Variants in TMPRSS9 observed in about 807,000 individuals in gnomAD.
TMPRSS9 encodes the protein transmembrane serine protease 9.
Under a neutral mutation model 111.4 loss-of-function variants are expected in TMPRSS9, and 113 were observed. The observed-to-expected ratio is 1.01, with a 90% confidence interval of 0.87 to 1.19. The LOEUF is 1.19. Among genes scored for constraint, TMPRSS9 ranks in the 50% most tolerant of loss-of-function variants. TMPRSS9 has a pLI of 0.00. For missense variants in TMPRSS9, 1,803 were observed against 1,513.1 expected, an observed-to-expected ratio of 1.19 and a Z score of -3.18; for synonymous variants, 805 against 659.1, an observed-to-expected ratio of 1.22 and a Z score of -3.39.
At chr19:2,424,575 G>A (rs1971557924) in intron 15 of TMPRSS9, among the ~76,000 whole-genome samples, 1 of 150,122 alleles carries the variant, frequency 6.7e-6, no homozygotes, top group Non-Finnish European at 1.5e-5. Flanking sequence ...CGGGAACATT[G>A]GGGTCACTTC....
At chr19:2,417,418 A>G (rs866925360) in intron 12 of TMPRSS9, among the ~76,000 whole-genome samples, 6 of 151,012 alleles carry the variant, frequency 4.0e-5, no homozygotes, top group Middle Eastern at 3.4e-3. Context: ...GTGAGCTGAG[A>G]TTGTGCCACT....
rs2145281649 is a variant in TMPRSS9, at chr19:2,389,930, A to G, written c.142+3A>G. 6.2e-7 allele frequency: 1 copy of G among 1,605,248 alleles called. No individual in the cohort carries two copies. Among genetic ancestry groups the G allele is most frequent in the African/African-American group, 1.3e-5 (1 of 74,880 alleles). Reference sequence around the variant, plus strand: ...CCTCACCCTGGGAGTCCTTTTGGGTAAGTGGCTATGGGATTGGCTGGGTTC... The same window carrying G: ...CCTCACCCTGGGAGTCCTTTTGGGTGAGTGGCTATGGGATTGGCTGGGTTC... On this transcript the variant is annotated splice_donor_region_variant and intron_variant, in intron 1 of 17. Coordinates refer to ENST00000648592, the Ensembl canonical transcript of TMPRSS9.
At chr19:2,377,484 TC>T (rs1286521994) in intron 1 of TMPRSS9, among the ~76,000 whole-genome samples, 10 of 14,932 alleles carry the variant, frequency 6.7e-4, no homozygotes, top group African/African-American at 1.7e-3. Context: ...CTCTCCTCTC[TC>T]CCCCCCACCC....
In TMPRSS9 at chr19:2,396,616, C is replaced by T. The variant is rs142862960; in HGVS notation, c.220C>T (p.Arg74Trp). 7.2e-4 allele frequency: 1,149 copies of T among 1,602,126 alleles called. 5 individuals are homozygous for T. The African/African-American group carries it at 7.8e-3, about 11-fold the overall frequency. The change falls in exon 2 of 18, where the codon CGG (arginine) becomes TGG (tryptophan). Residue 74 changes from arginine to tryptophan, a missense_variant. Transcript: ENST00000648592. ...AATCCGGTGGACCAGCAGTTTGCGG[C>T]GGGAGACCTCGGACTATCACCGCAC...
At chr19:2,400,698 G>A (rs1278381808) in intron 4 of TMPRSS9, among the ~76,000 whole-genome samples, 1 of 152,104 alleles carries the variant, frequency 6.6e-6, no homozygotes, top group Non-Finnish European at 1.5e-5. Context: ...TTGTTGCCAG[G>A]TGTGGTGGCT....
rs7254110 is a variant in TMPRSS9 at position 2,405,561 on chromosome 19, A to G, written c.842+16A>G. 0.24 allele frequency: 366,590 copies of G among 1,519,898 alleles called. 47,463 individuals are homozygous for G. Among genetic ancestry groups the G allele is most frequent in the African/African-American group, 0.48 (33,939 of 70,114 alleles). The allele number at this position is 1,519,898 out of a possible 1,614,324, so 94.2% of individuals were successfully genotyped here. A position where few individuals can be genotyped will look rare whatever the true frequency, so the allele number is the denominator to read the frequency against. On this transcript the variant is annotated intron_variant, in intron 7 of 17. Transcript: ENST00000648592. ...GCTTCAATGAGTAAGCCCCCATCCC[A>G]AAGCACCAAACCCGAACCCTCTGTA... is the stretch of plus-strand genomic sequence containing the variant.
At chr19:2,425,546 G>A (rs1025422184) in intron 17 of TMPRSS9, 53 bp downstream of exon 18, 231 of 1,467,972 alleles carry the variant, frequency 1.6e-4, no homozygotes, top group Non-Finnish European at 2.0e-4. Flanking sequence ...GCCGGGGAGG[G>A]CGGGTTCCCG....
intron 1 of TMPRSS9, among the ~76,000 whole-genome samples, chr19:2,383,794 AC>A (rs940138357): frequency 2.7e-5 from 4 of 149,536 alleles, no homozygotes; most frequent in Admixed American, 1.4e-4. Flanking sequence ...ACAGAGTGAG[AC>A]CCCCCCATCT....
intron 10 of TMPRSS9, chr19:2,414,243 C>CTTTT (rs781736770): frequency 8.0e-6 from 3 of 376,206 alleles, no homozygotes; most frequent in Admixed American, 8.4e-5. Flanking sequence ...CAATGGGATA[C>CTTTT]TTTTTTTTTT....
intron 1 of TMPRSS9, among the ~76,000 whole-genome samples, chr19:2,377,936 T>A (rs1156571180): frequency 6.6e-6 from 1 of 151,130 alleles, no homozygotes; most frequent in African/African-American, 2.4e-5. Context: ...GCTGGCACAG[T>A]CATAGCTCAC....
chr19:2,423,828 G>C (rs932900413), intron 14 of TMPRSS9, among the ~76,000 whole-genome samples: 1 of 152,058 alleles, frequency 6.6e-6, no homozygotes, highest in South Asian at 2.1e-4. Context: ...TGCCATGAGA[G>C]GGGCCTCCGG....
At chr19:2,425,181 G>A (rs777970014) in exon 16 of TMPRSS9, 4 of 1,550,080 alleles carry the variant, frequency 2.6e-6, no homozygotes, top group South Asian at 1.2e-5. Context: ...CGCCTGGTGC[G>A]TCCCATCTGC....
At chr19:2,389,843 G>C (rs763323747) in exon 1 of TMPRSS9, 1 of 1,614,008 alleles carries the variant, frequency 6.2e-7, no homozygotes, top group East Asian at 2.2e-5. Flanking sequence ...GGAAGTCCCC[G>C]CTCTGGATGC....
At chr19:2,385,199 C>T (rs1217767519), upstream of TMPRSS9, among the ~76,000 whole-genome samples, 2 of 66,852 alleles carry the variant, frequency 3.0e-5, no homozygotes, top group African/African-American at 1.7e-4. Flanking sequence ...GGGGGCGGGG[C>T]TCGAGGGGGC....
chr19:2,416,280 G>C (rs1049075140), intron 11 of TMPRSS9: 2 of 527,012 alleles, frequency 3.8e-6, no homozygotes, highest in Non-Finnish European at 6.7e-6. Context: ...TTGGGGGGGG[G>C]CATTGGCACA....
rs144186733 is a variant in TMPRSS9, at chr19:2,422,594, C to T, written c.2548+347C>T. On this transcript the variant is annotated intron_variant, in intron 14 of 17. Transcript: ENST00000648592. ...CGTCTCAAAAAAGAAAAAGACATAA[C>T]GGCCTCTCTGGCTGGGCGCGGTGGC... 2.4e-3 allele frequency among the ~76,000 whole-genome samples: 362 copies of T among 151,624 alleles called. 1 individual carries two copies. Among genetic ancestry groups the T allele is most frequent in the Non-Finnish European group, 3.6e-3 (244 of 67,836 alleles).
chr19:2,422,169 T>C, exon 14 of TMPRSS9: 1 of 1,577,204 alleles, frequency 6.3e-7, no homozygotes, highest in African/African-American at 1.3e-5. Context: ...CTCAACCTTA[T>C]CTGCCGTGAG....
intron 1 of TMPRSS9, chr19:2,396,200 T>A (rs1970703082): frequency 4.7e-6 from 1 of 212,338 alleles, no homozygotes; most frequent in African/African-American, 2.3e-5. Flanking sequence ...AGGCACTGCA[T>A]GGGAGACAGG....
chr19:2,417,069 T>C (rs1433574361), intron 12 of TMPRSS9, among the ~76,000 whole-genome samples: 2 of 152,184 alleles, frequency 1.3e-5, no homozygotes, highest in East Asian at 1.9e-4. Context: ...CATCAACAGA[T>C]TGTCTATGGC....
Sources: gnomAD v4.1 joint callset for allele counts (sites outside exome capture counted in the v4.1 genomes callset) on GRCh38, gnomAD v4.1.1 for gene constraint, MANE v1.5 for transcripts, NCBI Gene and HGNC (gene_info 2026-07-23, HGNC 2026-07-21) for gene names.